Variants in SMG6 observed in about 807,000 individuals in gnomAD.
The protein encoded by SMG6 is telomerase-binding protein EST1A.
Under a neutral mutation model 142.2 loss-of-function variants are expected in SMG6, and 66 were observed. The observed-to-expected ratio is 0.46, with a 90% CI of 0.38 to 0.57. The LOEUF (loss-of-function observed/expected upper bound fraction) is 0.57. SMG6 is among the 20% of genes least tolerant of loss of function. SMG6 has a pLI of 0.00. For synonymous variants in SMG6, 779 were observed against 702.4 expected, an observed-to-expected ratio of 1.11 and a Z score of -1.72; for missense variants, 1,793 against 1,832.0, an observed-to-expected ratio of 0.98 and a Z score of 0.39.
rs769648489 is a variant in SMG6, at chr17:2,156,054, TTA to T, written c.3357+16602_3357+16603del. 6.1e-3 allele frequency among the ~76,000 whole-genome samples: 765 copies of T among 125,146 alleles called. 4 individuals carry two copies. Among genetic ancestry groups the T allele is most frequent in the Admixed American group, 0.011 (143 of 12,798 alleles). The allele number at this position is 125,146 out of a possible 152,430, so 82.1% of individuals were successfully genotyped here. On this transcript the variant is annotated intron_variant, in intron 13 of 18. Transcript: ENST00000263073. ...TTTCTTTACCTTTTTTTTTTTTTTT[TTA>T]AAATAATGAACAAATGTCAATTTCA...
intron 12 of SMG6, among the ~76,000 whole-genome samples, chr17:2,175,734 C>T (rs980726537): frequency 6.6e-6 from 1 of 152,182 alleles, no homozygotes; most frequent in African/African-American, 2.4e-5. Context: ...GTTCCCAACT[C>T]AGAAATATAA....
intron 13 of SMG6, among the ~76,000 whole-genome samples, chr17:2,170,023 A>C (rs2071454964): frequency 6.6e-6 from 1 of 152,170 alleles, no homozygotes; most frequent in African/African-American, 2.4e-5. Context: ...AATAACCCCA[A>C]GCATTTTGAC....
intron 6 of SMG6, among the ~76,000 whole-genome samples, chr17:2,288,260 G>A (rs1272864450): frequency 6.6e-6 from 1 of 152,006 alleles, no homozygotes; most frequent in Admixed American, 6.6e-5. Context: ...GTTACAGTGA[G>A]CCAAGATCGT....
At chr17:2,291,317 C>G (rs1161028834) in intron 6 of SMG6, among the ~76,000 whole-genome samples, 1 of 149,000 alleles carries the variant, frequency 6.7e-6, no homozygotes, top group Admixed American at 6.7e-5. Context: ...AGCGACAGAG[C>G]GAGACTCCGT....
intron 13 of SMG6, chr17:2,127,997 G>A (rs572493548): frequency 3.7e-5 from 18 of 490,452 alleles, no homozygotes; most frequent in African/African-American, 2.0e-4. Flanking sequence ...ACTAAGGAAC[G>A]AGTGTCAAAG....
intron 12 of SMG6, among the ~76,000 whole-genome samples, chr17:2,184,785 T>C (rs1478186928): frequency 2.7e-5 from 4 of 146,526 alleles, no homozygotes; most frequent in Non-Finnish European, 6.0e-5. Flanking sequence ...GCCCACGTGG[T>C]AAAACCCCGT....
chr17:2,282,516 C>T (rs1407569719), intron 8 of SMG6, 131 bp downstream of exon 8: 2 of 801,726 alleles, frequency 2.5e-6, no homozygotes, highest in South Asian at 1.6e-5. Flanking sequence ...GGGAAAAGAC[C>T]ATCAGGGAGC....
chr17:2,094,445 G>A (rs1405834039), intron 13 of SMG6, among the ~76,000 whole-genome samples: 1 of 152,038 alleles, frequency 6.6e-6, no homozygotes, highest in African/African-American at 2.4e-5. Flanking sequence ...CACCATATTG[G>A]CCAGGCTGGT....
chr17:2,271,216 G>A (rs1011079435), intron 8 of SMG6, among the ~76,000 whole-genome samples: 6 of 149,480 alleles, frequency 4.0e-5, no homozygotes, highest in African/African-American at 7.4e-5. Flanking sequence ...CCAGCATCCC[G>A]AGTAGCTGGA....
chr17:2,120,579 C>T (rs1296778228), intron 13 of SMG6, among the ~76,000 whole-genome samples: 1 of 152,018 alleles, frequency 6.6e-6, no homozygotes, highest in African/African-American at 2.4e-5. Context: ...TAAAATGAGC[C>T]CAATGTGGTG....
intron 13 of SMG6, among the ~76,000 whole-genome samples, chr17:2,164,507 C>T (rs2071274818): frequency 6.6e-6 from 1 of 152,116 alleles, no homozygotes; most frequent in South Asian, 2.1e-4. Flanking sequence ...ACTAGGGAGA[C>T]TGAGGCAGGA....
rs767418219 is a variant in SMG6 at position 2,065,101 on chromosome 17, C to T, written c.4101G>A (p.Lys1367=). The T allele has an allele frequency of 2.5e-6, 4 of 1,613,808 alleles. No homozygotes were observed. The highest frequency in any genetic ancestry group is 2.7e-5 in the African/African-American group (2 of 74,894). Residue 1367 remains lysine (K), a synonymous_variant, in exon 18 of 19, where the codon AAG becomes AAA. Coordinates refer to ENST00000263073, the MANE Select transcript of SMG6 (RefSeq NM_017575.5). ...TGCTGGCGGGCATGAAGTCCTTAGC[C>T]TTGTCTTTGCAGTAGTGGAGGCAGC... ...LSCCLHYCKD[K]AKDFMPASKE...
At chr17:2,232,347 T>C (rs1225809412) in intron 10 of SMG6, among the ~76,000 whole-genome samples, 1 of 152,156 alleles carries the variant, frequency 6.6e-6, no homozygotes, top group African/African-American at 2.4e-5. Flanking sequence ...CGGAGGCACG[T>C]GGAGAAAGCC....
intron 13 of SMG6, among the ~76,000 whole-genome samples, chr17:2,094,537 C>T (rs2068806635): frequency 6.6e-6 from 1 of 152,168 alleles, no homozygotes; most frequent in African/African-American, 2.4e-5. Flanking sequence ...CTTTGCTTGG[C>T]CAACAGTATC....
chr17:2,063,772 AGAC>A (rs2067855145), intron 18 of SMG6, among the ~76,000 whole-genome samples: 2 of 152,160 alleles, frequency 1.3e-5, no homozygotes, highest in Non-Finnish European at 1.5e-5. Context: ...TGGCGAGAGA[AGAC>A]GACAGGAGGA....
chr17:2,091,453 G>A (rs1344124314), intron 13 of SMG6, among the ~76,000 whole-genome samples: 1 of 152,176 alleles, frequency 6.6e-6, no homozygotes, highest in Non-Finnish European at 1.5e-5. Flanking sequence ...TCATGGGTCA[G>A]AGAGGAGGGA....
Position 2,299,669 on chromosome 17 carries a change from C to T in SMG6, c.1084G>A (p.Glu362Lys). Residue 362 changes from glutamate to lysine, a missense_variant, in exon 2 of 19, where the codon GAG becomes AAG. By Grantham distance (56) the Glu-to-Lys change is moderately conservative. This residue lies in a region of SMG6 where 1,597 missense variants were observed against 1,584.6 expected (regional missense o/e 1.01). Transcript: ENST00000263073. The surrounding 1 kb of genome is among the most constrained non-coding windows in gnomAD (Gnocchi z 4.3). Reference sequence around the variant, plus strand: ...CTGGCTGACCTCACCATGGGAGACTCTTTGTTCATGGCTTCTGCATCGAAA... The same window carrying T: ...CTGGCTGACCTCACCATGGGAGACTTTTTGTTCATGGCTTCTGCATCGAAA... ...VTFDAEAMNKESPMVRSARDD... is the reference protein window; with the variant it reads ...VTFDAEAMNKKSPMVRSARDD... The T allele has an allele frequency of 6.2e-7, 1 of 1,614,224 alleles. No individual in the cohort carries two copies.
chr17:2,065,447 C>T (rs1567566500), intron 17 of SMG6, 21 bp downstream of exon 17: 1 of 1,606,428 alleles, frequency 6.2e-7, no homozygotes, highest in Non-Finnish European at 8.5e-7. Context: ...TGGGCTTTCC[C>T]TTCCTGCCAC....
At chr17:2,163,075 T>C (rs184519464) in intron 13 of SMG6, among the ~76,000 whole-genome samples, 2 of 152,200 alleles carry the variant, frequency 1.3e-5, no homozygotes, top group African/African-American at 4.8e-5. Context: ...CAAGCGATCC[T>C]CCTGCCTCAG....
Sources: gnomAD v4.1 joint callset for allele counts (sites outside exome capture counted in the v4.1 genomes callset) on GRCh38, gnomAD v4.1.1 for gene constraint, gnomAD v4.1.1 regional missense constraint, Gnocchi (gnomAD v3.1) non-coding constraint, MANE v1.5 for transcripts, NCBI Gene and HGNC (gene_info 2026-07-23, HGNC 2026-07-21) for gene names.